The following MARCHF1 variants were observed in gnomAD, a reference collection of about 807,000 sequenced individuals.
The protein encoded by MARCHF1 is membrane associated ring-CH-type finger 1.
Under a neutral mutation model 54.2 loss-of-function variants are expected in MARCHF1, and 40 were observed. The ratio of observed to expected loss-of-function variants is 0.74; its 90% CI spans 0.57 to 0.96. MARCHF1 has a LOEUF of 0.96. MARCHF1 is among the 40% of genes least tolerant of loss of function. MARCHF1 has a pLI of 0.00. For synonymous variants in MARCHF1, 236 were observed against 236.3 expected (o/e 1.00, Z 0.01); for missense variants, 586 against 656.5 (o/e 0.89, Z 1.17).
At chr4:163,738,770 A>G (rs148787396) in intron 4 of MARCHF1, among the ~76,000 whole-genome samples, 1 of 152,366 alleles carries the variant, frequency 6.6e-6, no homozygotes, top group African/African-American at 2.4e-5. Context: ...CAAAAGCCAC[A>G]GCTGGATAGA....
chr4:163,622,021 C>T (rs2110962059), intron 5 of MARCHF1, among the ~76,000 whole-genome samples: 1 of 152,102 alleles, frequency 6.6e-6, no homozygotes, highest in African/African-American at 2.4e-5. Flanking sequence ...GAGATAGTTC[C>T]CTCCCACCCC....
chr4:164,378,444 G>A (rs1404859494), intron 1 of MARCHF1, among the ~76,000 whole-genome samples: 1 of 152,234 alleles, frequency 6.6e-6, no homozygotes, highest in Admixed American at 6.5e-5. Flanking sequence ...CACTGAGAAG[G>A]AAGCTTCTGG....
At chr4:164,177,806 G>GACACACACACACACAC (rs3059817) in intron 1 of MARCHF1, among the ~76,000 whole-genome samples, 1 of 149,202 alleles carries the variant, frequency 6.7e-6, no homozygotes, top group African/African-American at 2.5e-5. Context: ...GTATGAAAGA[G>GACACACACACACACAC]ACACACACAC....
At chr4:163,544,756 G>A (rs1325674381) in intron 9 of MARCHF1, among the ~76,000 whole-genome samples, 4 of 152,008 alleles carry the variant, frequency 2.6e-5, no homozygotes, top group African/African-American at 7.3e-5. Context: ...TGGGTGTAGG[G>A]ATGTGCAAAC....
chr4:164,310,501 T>C (rs190745216), intron 1 of MARCHF1, among the ~76,000 whole-genome samples: 2 of 151,928 alleles, frequency 1.3e-5, no homozygotes, highest in South Asian at 2.1e-4. Context: ...TTGAGTTTTA[T>C]TGAACTACTA....
At chr4:163,720,494 T>C (rs1223071816) in intron 4 of MARCHF1, among the ~76,000 whole-genome samples, 1 of 152,212 alleles carries the variant, frequency 6.6e-6, no homozygotes, top group East Asian at 1.9e-4. Flanking sequence ...TGGCTTAAGA[T>C]TGTCTTGGCA....
chr4:164,073,134 CATT>C (rs1754904791), intron 2 of MARCHF1, among the ~76,000 whole-genome samples: 1 of 152,054 alleles, frequency 6.6e-6, no homozygotes, highest in African/African-American at 2.4e-5. Flanking sequence ...CTTGTACAGA[CATT>C]ATAAGTAAGC....
At chr4:164,378,529 G>A (rs1459774851) in intron 1 of MARCHF1, among the ~76,000 whole-genome samples, 1 of 152,212 alleles carries the variant, frequency 6.6e-6, no homozygotes, top group African/African-American at 2.4e-5. Flanking sequence ...AGAAGTTCAA[G>A]ACATCTGGGC....
chr4:164,228,983 T>C (rs1732332998), intron 1 of MARCHF1, among the ~76,000 whole-genome samples: 1 of 152,158 alleles, frequency 6.6e-6, no homozygotes. Context: ...GCTTTGTGAG[T>C]ACATGCTAAG....
intron 1 of MARCHF1, among the ~76,000 whole-genome samples, chr4:164,152,298 G>T (rs1200369675): frequency 2.6e-5 from 4 of 152,012 alleles, no homozygotes; most frequent in African/African-American, 9.7e-5. Context: ...AATATATATT[G>T]TATTTCATCA....
At chr4:164,163,464 C>A (rs939647693) in intron 1 of MARCHF1, among the ~76,000 whole-genome samples, 5 of 151,622 alleles carry the variant, frequency 3.3e-5, no homozygotes, top group African/African-American at 1.2e-4. Flanking sequence ...AATAATGGTA[C>A]CAGGGTGTAT....
intron 3 of MARCHF1, among the ~76,000 whole-genome samples, chr4:163,921,313 A>G (rs1040900235): frequency 6.6e-6 from 1 of 152,164 alleles, no homozygotes; most frequent in African/African-American, 2.4e-5. Context: ...AGGACTAAAA[A>G]TCTTCTCAGG....
Position 163,773,199 on chromosome 4 carries a change from A to G in MARCHF1, c.112-72336T>C, listed in dbSNP as rs60013976. Reference sequence around the variant, plus strand: ...ATGTGTTATGAAAGGCGGAGCAGTCACTGACTAGAAGTTACCTGACAGAAA... The same window carrying G: ...ATGTGTTATGAAAGGCGGAGCAGTCGCTGACTAGAAGTTACCTGACAGAAA... On this transcript the variant is annotated intron_variant, in intron 4 of 9. Transcript: ENST00000514618. 2.1e-3 allele frequency among the ~76,000 whole-genome samples: 322 copies of G among 152,272 alleles called. 5 individuals carry two copies. In the East Asian group the frequency reaches 0.056, roughly 26 times the overall value.
chr4:164,203,607 C>A (rs892320169), intron 1 of MARCHF1, among the ~76,000 whole-genome samples: 2 of 152,126 alleles, frequency 1.3e-5, no homozygotes, highest in Non-Finnish European at 2.9e-5. Context: ...ACTACCCTCA[C>A]CCTGTGCCAA....
chr4:163,809,550 T>G (rs1423256747), intron 4 of MARCHF1, among the ~76,000 whole-genome samples: 1 of 152,166 alleles, frequency 6.6e-6, no homozygotes, highest in Non-Finnish European at 1.5e-5. Flanking sequence ...CCTCCATGAT[T>G]TCAGAATAAG....
intron 9 of MARCHF1, among the ~76,000 whole-genome samples, chr4:163,531,571 G>A (rs922393081): frequency 9.9e-5 from 15 of 151,730 alleles, no homozygotes; most frequent in Non-Finnish European, 7.4e-5. Flanking sequence ...TGCCTATTCC[G>A]CATCACACTG....
At chr4:164,195,237 T>C (rs917979945) in intron 1 of MARCHF1, among the ~76,000 whole-genome samples, 2 of 152,178 alleles carry the variant, frequency 1.3e-5, no homozygotes, top group Admixed American at 6.5e-5. Context: ...ATTGTTTTTT[T>C]TCTTGTAATC....
chr4:163,684,438 C>T (rs1348754635), intron 5 of MARCHF1, among the ~76,000 whole-genome samples: 1 of 152,168 alleles, frequency 6.6e-6, no homozygotes, highest in Non-Finnish European at 1.5e-5. Flanking sequence ...AAAAGAAAGC[C>T]AGCATTTGGC....
chr4:164,237,578 A>G (rs1732599738), intron 1 of MARCHF1, among the ~76,000 whole-genome samples: 1 of 151,706 alleles, frequency 6.6e-6, no homozygotes, highest in Non-Finnish European at 1.5e-5. Flanking sequence ...AAATATGATC[A>G]TATCAGAAAT....
Sources: allele counts gnomAD v4.1 joint callset (sites outside exome capture counted in the v4.1 genomes callset), GRCh38; gene constraint gnomAD v4.1.1; transcripts MANE v1.5; gene names NCBI Gene and HGNC (gene_info 2026-07-23, HGNC 2026-07-21).